The following CDKAL1 variants were observed in gnomAD, a reference collection of about 807,000 sequenced individuals.
The protein encoded by CDKAL1 is CDKAL1 threonylcarbamoyladenosine tRNA methylthiotransferase.
A neutral mutation model predicts 68.2 loss-of-function variants in CDKAL1; 32 were observed. That is an observed-to-expected ratio of 0.47 (90% CI 0.35 to 0.63). The LOEUF is 0.63. Among genes scored for constraint, CDKAL1 ranks in the 30% least tolerant of loss-of-function variants. The pLI, the probability that CDKAL1 is intolerant of heterozygous loss-of-function variation, is 0.00. For missense variants in CDKAL1, 606 were observed against 696.7 expected, an observed-to-expected ratio of 0.87 and a Z score of 1.47; for synonymous variants, 234 against 244.3, an observed-to-expected ratio of 0.96 and a Z score of 0.39.
chr6:21,060,090 A>AAACAGTTT (rs1554168595), intron 11 of CDKAL1, among the ~76,000 whole-genome samples: 4 of 151,842 alleles, frequency 2.6e-5, no homozygotes, highest in African/African-American at 9.7e-5. Flanking sequence ...TCTATCTTTG[A>AAACAGTTT]AATAGTTTCC....
rs78214085 is a variant in CDKAL1, at chr6:21,120,327, T to A, written c.1299+11864T>A. Among the ~76,000 whole-genome samples, 408 of 152,346 alleles carry A rather than the reference T, an allele frequency of 2.7e-3. 3 individuals carry two copies. Among genetic ancestry groups the A allele is most frequent in the African/African-American group, 9.4e-3 (392 of 41,582 alleles). ...AACTGTACAAGGCACTTACCCATCA[T>A]CCCACAGCAAATTCAGGGCTAAAAT... On this transcript the variant is annotated intron_variant, in intron 13 of 15. Transcript: ENST00000274695.
chr6:21,137,214 G>A (rs1214676645), intron 13 of CDKAL1, among the ~76,000 whole-genome samples: 1 of 152,146 alleles, frequency 6.6e-6, no homozygotes, highest in Non-Finnish European at 1.5e-5. Context: ...TCTGCTTTTA[G>A]AAATTCCTTA....
chr6:20,779,894 C>G (rs78201678), intron 7 of CDKAL1, among the ~76,000 whole-genome samples: 2 of 151,780 alleles, frequency 1.3e-5, no homozygotes, highest in African/African-American at 4.8e-5. Context: ...ATCATTGACT[C>G]TTACTCTCAT....
chr6:20,649,454 T>C, intron 5 of CDKAL1, 77 bp downstream of exon 5: 1 of 783,356 alleles, frequency 1.3e-6, no homozygotes, highest in Non-Finnish European at 2.1e-6. Context: ...TTTTTAAAAA[T>C]GTCAATATAG....
intron 4 of CDKAL1, among the ~76,000 whole-genome samples, chr6:20,577,146 A>G (rs1355556341): frequency 6.6e-6 from 1 of 152,090 alleles, no homozygotes. Context: ...ATCGGTTGTG[A>G]GAGAAAGAGC....
intron 8 of CDKAL1, among the ~76,000 whole-genome samples, chr6:20,810,464 C>T (rs1581624365): frequency 6.9e-6 from 1 of 145,652 alleles, no homozygotes; most frequent in Non-Finnish European, 1.5e-5. Context: ...ATGTTACGCA[C>T]CTGTTGCCTG....
chr6:20,984,457 G>C (rs1487230764), intron 10 of CDKAL1, among the ~76,000 whole-genome samples: 3 of 152,168 alleles, frequency 2.0e-5, no homozygotes, highest in Non-Finnish European at 4.4e-5. Flanking sequence ...ATGTTACAGT[G>C]CCATTTTAGC....
rs919077386 is a variant in CDKAL1 at position 21,016,420 on chromosome 6, A to T, written c.1055+16048A>T. On this transcript the variant is annotated intron_variant, in intron 11 of 15. Transcript: ENST00000274695. ...GCTGTCTCCACCTTCCCTACCTTTCATCAACTCCTTGATCCTCTGTAATCT... is the reference window on the plus strand; with the variant it reads ...GCTGTCTCCACCTTCCCTACCTTTCTTCAACTCCTTGATCCTCTGTAATCT... Among the ~76,000 whole-genome samples, 5 of 151,864 alleles carry T rather than the reference A, an allele frequency of 3.3e-5. No homozygotes were observed. The South Asian group carries it at 1.0e-3, about 32-fold the overall frequency.
At chr6:21,146,711 C>T (rs1204768009) in intron 13 of CDKAL1, among the ~76,000 whole-genome samples, 1 of 151,942 alleles carries the variant, frequency 6.6e-6, no homozygotes, top group Non-Finnish European at 1.5e-5. Flanking sequence ...ATCAGCTGGG[C>T]GTGGTGGTGG....
At chr6:20,665,866 G>A (rs915661931) in intron 5 of CDKAL1, among the ~76,000 whole-genome samples, 11 of 152,012 alleles carry the variant, frequency 7.2e-5, no homozygotes, top group South Asian at 2.1e-4. Context: ...CATGCAGGTC[G>A]TGTGGAATTC....
chr6:21,180,251 A>C (rs1204503249), intron 13 of CDKAL1, among the ~76,000 whole-genome samples: 1 of 152,128 alleles, frequency 6.6e-6, no homozygotes, highest in East Asian at 1.9e-4. Context: ...TGAAGAATCA[A>C]ATTTTCTCCA....
chr6:20,626,705 G>A (rs1225362994), intron 4 of CDKAL1, among the ~76,000 whole-genome samples: 1 of 152,148 alleles, frequency 6.6e-6, no homozygotes, highest in Non-Finnish European at 1.5e-5. Context: ...TAATGGCAGG[G>A]CTATTGTTCT....
intron 5 of CDKAL1, among the ~76,000 whole-genome samples, chr6:20,657,557 A>T (rs1308932544): frequency 6.6e-6 from 1 of 152,220 alleles, no homozygotes; most frequent in East Asian, 1.9e-4. Context: ...CACACAAAAG[A>T]TCACCTTGTT....
chr6:20,712,598 G>A (rs1339382454), intron 5 of CDKAL1, among the ~76,000 whole-genome samples: 2 of 151,822 alleles, frequency 1.3e-5, no homozygotes, highest in African/African-American at 2.4e-5. Context: ...TTATCTGTAT[G>A]TATAACAACT....
chr6:20,912,027 A>G (rs746281209), intron 9 of CDKAL1, among the ~76,000 whole-genome samples: 4 of 152,182 alleles, frequency 2.6e-5, no homozygotes, highest in Non-Finnish European at 5.9e-5. Flanking sequence ...GGACCACCCA[A>G]TAGTTTGCTA....
intron 13 of CDKAL1, among the ~76,000 whole-genome samples, chr6:21,187,531 A>G (rs1424189162): frequency 6.6e-6 from 1 of 152,142 alleles, no homozygotes; most frequent in Non-Finnish European, 1.5e-5. Flanking sequence ...TACCACACCC[A>G]CACCTTTTTT....
Position 21,204,917 on chromosome 6 carries a change from AC to A in CDKAL1, c.1548+3646del, listed in dbSNP as rs538309757. On this transcript the variant is annotated intron_variant, in intron 15 of 15. Transcript: ENST00000274695. The stretch of plus-strand genomic sequence containing the variant: ...GAACTTTCCATCTTGCAAAACTGAA[AC>A]CCTGTACTCATTAAACAATAACTCC... 3.1e-3 allele frequency among the ~76,000 whole-genome samples: 475 copies of A among 152,220 alleles called. 3 individuals are homozygous for A. Among genetic ancestry groups the A allele is most frequent in the Non-Finnish European group, 4.3e-3 (290 of 68,010 alleles).
At chr6:20,618,659 C>G (rs1165052432) in intron 4 of CDKAL1, among the ~76,000 whole-genome samples, 1 of 151,868 alleles carries the variant, frequency 6.6e-6, no homozygotes, top group Admixed American at 6.6e-5. Context: ...GATTTGTGCT[C>G]AGTTTTCATT....
chr6:20,880,506 C>G (rs950301126), intron 9 of CDKAL1, among the ~76,000 whole-genome samples: 1 of 152,140 alleles, frequency 6.6e-6, no homozygotes, highest in Non-Finnish European at 1.5e-5. Context: ...CCGCCCACCT[C>G]GGCCTCCCAA....
Sources: gnomAD v4.1 joint callset for allele counts (sites outside exome capture counted in the v4.1 genomes callset) on GRCh38, gnomAD v4.1.1 for gene constraint, MANE v1.5 for transcripts, NCBI Gene and HGNC (gene_info 2026-07-23, HGNC 2026-07-21) for gene names.